Variants in GPD1L observed in about 807,000 individuals in gnomAD.
The protein encoded by GPD1L is glycerol-3-phosphate dehydrogenase 1-like protein.
In GPD1L, 17 loss-of-function variants were observed where a neutral mutation model predicts 32.9. That is an observed-to-expected ratio of 0.52 (90% CI 0.35 to 0.78). The LOEUF (loss-of-function observed/expected upper bound fraction) is 0.78. Ranked by LOEUF, GPD1L falls within the 30% of genes least tolerant of loss-of-function variation. The probability of loss-of-function intolerance (pLI) is 0.01; values close to 1 mark genes in which losing one functional copy is unlikely to be tolerated. For missense variants in GPD1L, 361 were observed against 447.8 expected, an observed-to-expected ratio of 0.81 and a Z score of 1.75; for synonymous variants, 187 against 165.9, an observed-to-expected ratio of 1.13 and a Z score of -0.98.
At chr3:32,154,375 C>G (rs1040420398) in intron 5 of GPD1L, among the ~76,000 whole-genome samples, 2 of 152,184 alleles carry the variant, frequency 1.3e-5, no homozygotes, top group African/African-American at 4.8e-5. Context: ...CTGAGTACAG[C>G]AACATAGAAA....
In GPD1L at chr3:32,141,715, G is replaced by A. The variant is rs377225788; in HGVS notation, c.505+1349G>A. On this transcript the variant is annotated intron_variant, in intron 4 of 7. Transcript: ENST00000282541. The stretch of plus-strand genomic sequence containing the variant: ...TCAAGCACCATGAGAAGGTGGAAAA[G>A]TAGAACTAAGATTGTAATTTCCCAC... Among the ~76,000 whole-genome samples the A allele has an allele frequency of 7.2e-5, 11 of 152,316 alleles. No homozygotes were observed. In the East Asian group the frequency reaches 1.7e-3, roughly 24 times the overall value.
At chr3:32,138,496 G>T (rs936017308) in intron 2 of GPD1L, 91 bp from the exon 3 acceptor site, 6 of 1,135,162 alleles carry the variant, frequency 5.3e-6, no homozygotes, top group South Asian at 1.2e-5. Flanking sequence ...CACATAGTAG[G>T]CATCTGATAA....
intron 1 of GPD1L, among the ~76,000 whole-genome samples, chr3:32,113,932 C>T (rs1171631723): frequency 6.6e-6 from 1 of 152,172 alleles, no homozygotes; most frequent in African/African-American, 2.4e-5. Context: ...CAATGCATTG[C>T]AGCCTCAACC....
chr3:32,165,702 G>A lies in GPD1L; in HGVS notation c.960-112G>A. 4 of 723,092 alleles carry A rather than the reference G, an allele frequency of 5.5e-6. No individual in the cohort carries two copies. In the Admixed American group the frequency reaches 6.0e-5, roughly 11 times the overall value. 44.8% of individuals were successfully genotyped at this position (723,092 alleles called of 1,614,324 possible). A position where few individuals can be genotyped will look rare whatever the true frequency, so the allele number is the denominator to read the frequency against. On this transcript the variant is annotated intron_variant, in intron 7 of 7. Transcript: ENST00000282541. ...AAGGAATGTAGAAAGTGCTCACTGT[G>A]TTTTCCATAGTCACATACTAACCTG...
chr3:32,161,599 A>G (rs1575123495), intron 7 of GPD1L, among the ~76,000 whole-genome samples: 1 of 152,236 alleles, frequency 6.6e-6, no homozygotes. Flanking sequence ...GGGTGCCTTG[A>G]TAGGATTCTC....
Position 32,167,942 on chromosome 3 carries a change from T to C in GPD1L, c.*2032T>C, listed in dbSNP as rs1701171982. On this transcript the variant is annotated 3_prime_UTR_variant, in exon 8 of 8. Transcript: ENST00000282541. ...ACTTTGCTTGTCTCATGAAAAATCT[T>C]TGTTAAAGTTTGTACACAGGTAACA... 6.6e-6 allele frequency: 1 copy of C among 152,214 alleles called. No homozygotes were observed. Among genetic ancestry groups the C allele is most frequent in the South Asian group, 2.1e-4 (1 of 4,830 alleles). 9.4% of individuals were successfully genotyped at this position (152,214 alleles called of 1,614,324 possible).
chr3:32,159,334 A>G (rs1701043651), intron 6 of GPD1L, among the ~76,000 whole-genome samples: 1 of 152,088 alleles, frequency 6.6e-6, no homozygotes, highest in African/African-American at 2.4e-5. Flanking sequence ...TCTGCTCTTG[A>G]AATAATTGAT....
chr3:32,165,407 CT>C (rs1284605963), intron 7 of GPD1L, among the ~76,000 whole-genome samples: 2 of 65,746 alleles, frequency 3.0e-5, no homozygotes, highest in East Asian at 1.2e-3. Flanking sequence ...TGGGATGATT[CT>C]TTTTGGAGAA....
chr3:32,137,177 T>C (rs965501317), intron 2 of GPD1L, among the ~76,000 whole-genome samples: 4 of 152,236 alleles, frequency 2.6e-5, no homozygotes, highest in Non-Finnish European at 5.9e-5. Context: ...AGAATCTTCA[T>C]CCAAGGCCTT....
At chr3:32,138,752 G>A (rs750440738) in intron 3 of GPD1L, 25 bp downstream of exon 3, 3 of 1,612,324 alleles carry the variant, frequency 1.9e-6, no homozygotes, top group East Asian at 2.2e-5. Flanking sequence ...TGCTGCCCAG[G>A]GCTAGACATT....
At chr3:32,124,773 TAA>T (rs1700483119) in intron 1 of GPD1L, among the ~76,000 whole-genome samples, 1 of 151,922 alleles carries the variant, frequency 6.6e-6, no homozygotes, top group Non-Finnish European at 1.5e-5. Flanking sequence ...AAAAACTTTT[TAA>T]AAAATTAGCT....
At position 32,165,204 on chromosome 3, in the gene GPD1L, G is replaced by A. The variant is rs114353932; in HGVS notation, c.960-610G>A. Among the ~76,000 whole-genome samples, 1,059 of 152,048 alleles carry A rather than the reference G, an allele frequency of 7.0e-3. 14 individuals carry two copies. Among genetic ancestry groups the A allele is most frequent in the African/African-American group, 0.023 (955 of 41,472 alleles). Reference sequence around the variant, plus strand: ...CTGGGCGATAGAGTGAGACTTTGTCGCAAAAGAAAAGAAAAAAGAAAAAAA... The same window carrying A: ...CTGGGCGATAGAGTGAGACTTTGTCACAAAAGAAAAGAAAAAAGAAAAAAA... On this transcript the variant is annotated intron_variant, in intron 7 of 7. Transcript: ENST00000282541.
chr3:32,130,505 C>T (rs1053228489), intron 2 of GPD1L, among the ~76,000 whole-genome samples: 2 of 152,114 alleles, frequency 1.3e-5, no homozygotes, highest in Non-Finnish European at 2.9e-5. Context: ...CTGTGTGAGA[C>T]CCTCAAACTG....
chr3:32,128,943 A>G (rs1700551138), intron 2 of GPD1L, among the ~76,000 whole-genome samples: 1 of 152,234 alleles, frequency 6.6e-6, no homozygotes, highest in Non-Finnish European at 1.5e-5. Flanking sequence ...AAAATGGGAA[A>G]ATGTAAGACT....
chr3:32,115,719 A>G lies in GPD1L; in HGVS notation c.47+8961A>G, dbSNP rs112651741. On this transcript the variant is annotated intron_variant, in intron 1 of 7. Coordinates refer to ENST00000282541, the MANE Select transcript of GPD1L (RefSeq NM_015141.4). ...ATGTAGCTACCTCAGCTTGATGGAA[A>G]TGTCTTCAAGCATCTAAACCCTTTT... 1.0e-3 allele frequency among the ~76,000 whole-genome samples: 149 copies of G among 143,674 alleles called. No homozygotes were observed. In the Middle Eastern group the frequency reaches 0.041, roughly 39 times the overall value. The allele number at this position is 143,674 out of a possible 152,430, so 94.3% of individuals were successfully genotyped here. A position where few individuals can be genotyped will look rare whatever the true frequency, so the allele number is the denominator to read the frequency against.
At chr3:32,161,334 G>A (rs1701071450) in intron 7 of GPD1L, among the ~76,000 whole-genome samples, 1 of 152,108 alleles carries the variant, frequency 6.6e-6, no homozygotes, top group South Asian at 2.1e-4. Flanking sequence ...TCACAAACAG[G>A]CTGCCAAAGG....
At position 32,128,118 on chromosome 3, in the gene GPD1L, A is replaced by G; in HGVS notation, c.90A>G (p.Lys30=). Residue 30 remains lysine, a synonymous_variant, in exon 2 of 8, where the codon AAA becomes AAG. Coordinates refer to ENST00000282541, the MANE Select transcript of GPD1L (RefSeq NM_015141.4). ...AAATAATTGGTAATAATGTCAAGAA[A>G]CTTCAGAAATTTGCCTCCACAGTCA... ...VAKIIGNNVK[K]LQKFASTVKM... is the part of the protein sequence containing the mutation. 1 of 1,613,320 alleles carries G rather than the reference A, an allele frequency of 6.2e-7. No individual in the cohort carries two copies. The highest frequency in any genetic ancestry group is 8.5e-7 in the Non-Finnish European group (1 of 1,179,274).
chr3:32,158,957 C>T lies in GPD1L; in HGVS notation c.700C>T (p.Leu234Phe), dbSNP rs147142794. 6.2e-7 allele frequency: 1 copy of T among 1,614,114 alleles called. No homozygotes were observed. The change falls in exon 6 of 8, where the codon CTC becomes TTC. Residue 234 changes from leucine to phenylalanine, a missense_variant. By Grantham distance (22) the Leu-to-Phe change is conservative. Coordinates refer to ENST00000282541, the MANE Select transcript of GPD1L (RefSeq NM_015141.4). ...NTKAAVIRLG[L>F]MEMIAFARIF... Reference sequence around the variant, plus strand: ...CAAAGCGGCCGTCATCCGCCTGGGACTCATGGAAATGATTGCTTTTGCCAG... The same window carrying T: ...CAAAGCGGCCGTCATCCGCCTGGGATTCATGGAAATGATTGCTTTTGCCAG...
chr3:32,122,076 T>A (rs2125474833), intron 1 of GPD1L, among the ~76,000 whole-genome samples: 1 of 152,292 alleles, frequency 6.6e-6, no homozygotes, highest in African/African-American at 2.4e-5. Flanking sequence ...GCAGCACAGT[T>A]ACATTTTTTT....
Sources: gnomAD v4.1 joint callset for allele counts (sites outside exome capture counted in the v4.1 genomes callset) on GRCh38, gnomAD v4.1.1 for gene constraint, MANE v1.5 for transcripts, NCBI Gene and HGNC (gene_info 2026-07-23, HGNC 2026-07-21) for gene names.